CHD1: variants seen among roughly 807,000 people sequenced by gnomAD.
CHD1 encodes chromodomain helicase DNA binding protein 1, also known as ATP-dependent chromatin remodeler CHD1.
A neutral mutation model predicts 224.2 loss-of-function variants in CHD1; 36 were observed. That is an observed-to-expected ratio of 0.16 (90% CI 0.12 to 0.21). CHD1 has a LOEUF of 0.21. Among genes scored for constraint, CHD1 ranks in the 10% least tolerant of loss-of-function variants. The probability of loss-of-function intolerance (pLI) is 1.00; values close to 1 mark genes in which losing one functional copy is unlikely to be tolerated. For missense variants in CHD1, 1,378 were observed against 1,994.8 expected, an observed-to-expected ratio of 0.69 and a Z score of 5.89; for synonymous variants, 668 against 658.3, an observed-to-expected ratio of 1.01 and a Z score of -0.23.
chr5:98,925,494 T>C (rs1242052965), intron 2 of CHD1, among the ~76,000 whole-genome samples: 1 of 152,128 alleles, frequency 6.6e-6, no homozygotes, highest in Non-Finnish European at 1.5e-5. Context: ...TTCACACAAC[T>C]AATAAGAGGT....
chr5:98,880,093 T>G (rs918859318), intron 22 of CHD1, among the ~76,000 whole-genome samples: 3 of 152,246 alleles, frequency 2.0e-5, no homozygotes, highest in Non-Finnish European at 4.4e-5. Flanking sequence ...AACAATCTAA[T>G]ATCATTTTTA....
rs1753706467 is a variant in CHD1, at chr5:98,928,932, C to T, written c.-542G>A. On this transcript the variant is annotated 5_prime_UTR_variant, in exon 1 of 36. Transcript: ENST00000614616. ...TCTCCGTCGTAGCCGCCGCCGCCACCGAGGTCGCCGTCGCCTCCGCCTCCC... is the reference window on the plus strand; with the variant it reads ...TCTCCGTCGTAGCCGCCGCCGCCACTGAGGTCGCCGTCGCCTCCGCCTCCC... 2 of 153,908 alleles carry T rather than the reference C, an allele frequency of 1.3e-5. No homozygotes were observed. The highest frequency in any genetic ancestry group is 3.5e-4 in the South Asian group (2 of 5,750). 9.5% of individuals were successfully genotyped at this position (153,908 alleles called of 1,614,324 possible).
At chr5:98,898,947 A>G (rs752903779) in intron 8 of CHD1, among the ~76,000 whole-genome samples, 183 bp from the exon 9 acceptor site, 3 of 152,174 alleles carry the variant, frequency 2.0e-5, no homozygotes, top group African/African-American at 7.2e-5. Context: ...AAAATTTGTA[A>G]TTTATAATGT....
At chr5:98,873,825 G>A in intron 25 of CHD1, 102 bp from the exon 26 acceptor site, 3 of 1,023,494 alleles carry the variant, frequency 2.9e-6, no homozygotes, top group Admixed American at 2.4e-5. Flanking sequence ...TCACTCTACT[G>A]CATGCTCTAT....
In CHD1 at chr5:98,855,568, TAA is replaced by T. The variant is rs1485639097; in HGVS notation, c.*810_*811del. 1 of 151,758 alleles carries T rather than the reference TAA, an allele frequency of 6.6e-6. No individual in the cohort carries two copies. The highest frequency in any genetic ancestry group is 2.4e-5 in the African/African-American group (1 of 41,336). The allele number at this position is 151,758 out of a possible 1,614,324, so 9.4% of individuals were successfully genotyped here. ...CATGTATCTAATAAAATATTCAGTA[TAA>T]AAAGAGGACTAATGGAATTAAGTGG... is the stretch of plus-strand genomic sequence containing the variant. On this transcript the variant is annotated 3_prime_UTR_variant, in exon 36 of 36. Transcript: ENST00000614616.
At chr5:98,909,408 A>G (rs1752248578) in intron 2 of CHD1, among the ~76,000 whole-genome samples, 1 of 152,096 alleles carries the variant, frequency 6.6e-6, no homozygotes. Flanking sequence ...ATGGCATTTA[A>G]TGTTTTGTTG....
chr5:98,915,763 T>C (rs1433264455), intron 2 of CHD1, among the ~76,000 whole-genome samples: 2 of 152,142 alleles, frequency 1.3e-5, no homozygotes, highest in Non-Finnish European at 1.5e-5. Flanking sequence ...TTAAATTAGA[T>C]TGGGCTATGA....
chr5:98,909,101 A>G (rs904825167), intron 2 of CHD1, among the ~76,000 whole-genome samples: 13 of 152,102 alleles, frequency 8.5e-5, no homozygotes, highest in South Asian at 2.1e-4. Flanking sequence ...TGCAATACCA[A>G]TATCTCTTAA....
chr5:98,856,866 T>C (rs1748073570), intron 35 of CHD1, 141 bp from the exon 36 acceptor site: 2 of 619,226 alleles, frequency 3.2e-6, no homozygotes, highest in Non-Finnish European at 2.7e-6. Flanking sequence ...TAAAACTTAC[T>C]TAATTAACTC....
chr5:98,896,560 A>G, intron 11 of CHD1, 118 bp from the exon 12 acceptor site: 1 of 645,058 alleles, frequency 1.6e-6, no homozygotes, highest in Non-Finnish European at 2.7e-6. Context: ...TATTATATAG[A>G]ATATACCACT....
intron 30 of CHD1, 164 bp from the exon 31 acceptor site, chr5:98,868,799 T>C: frequency 1.3e-6 from 1 of 757,718 alleles, no homozygotes; most frequent in Non-Finnish European, 2.0e-6. Context: ...CCAATTTTAT[T>C]TGGGGAAACA....
In CHD1 at chr5:98,854,813, T is replaced by C. The variant is rs1747901815; in HGVS notation, c.*1567A>G. ...ACACATAGCAATACTATAGAAATTATGTCCACATACTTATATTCGTCAAAG... is the reference window on the plus strand; with the variant it reads ...ACACATAGCAATACTATAGAAATTACGTCCACATACTTATATTCGTCAAAG... On this transcript the variant is annotated 3_prime_UTR_variant, in exon 36 of 36. Coordinates refer to ENST00000614616, the MANE Select transcript of CHD1 (RefSeq NM_001270.4). 3 of 152,320 alleles carry C rather than the reference T, an allele frequency of 2.0e-5. No homozygotes were observed. The South Asian group carries it at 6.2e-4, about 32-fold the overall frequency. The allele number at this position is 152,320 out of a possible 1,614,324, so 9.4% of individuals were successfully genotyped here.
Position 98,926,544 on chromosome 5 carries a change from ATATAT to A in CHD1, c.-148-15_-148-11del. 2.4e-6 allele frequency: 1 copy of A among 414,348 alleles called. No homozygotes were observed. The highest frequency in any genetic ancestry group is 4.2e-6 in the Non-Finnish European group (1 of 238,320). The allele number at this position is 414,348 out of a possible 1,614,324, so 25.7% of individuals were successfully genotyped here. A position where few individuals can be genotyped will look rare whatever the true frequency, so the allele number is the denominator to read the frequency against. ...CTCTCCTTTGATTCACCTAAAGAAA[ATATAT>A]TAATAAATTAACAAAATTTCCTGCA... On this transcript the variant is annotated splice_polypyrimidine_tract_variant and intron_variant, in intron 1 of 35. Transcript: ENST00000614616.
intron 12 of CHD1, 139 bp from the exon 13 acceptor site, chr5:98,894,825 G>GT: frequency 4.7e-6 from 2 of 429,230 alleles, no homozygotes; most frequent in South Asian, 2.8e-5. Context: ...GAGTTTTTGT[G>GT]GTTTTTTTTT....
chr5:98,872,755 G>A (rs1167591570), intron 26 of CHD1, among the ~76,000 whole-genome samples, 200 bp from the exon 27 acceptor site: 2 of 152,064 alleles, frequency 1.3e-5, no homozygotes, highest in Non-Finnish European at 2.9e-5. Flanking sequence ...TTCACGAAAA[G>A]TATTTCTCTA....
chr5:98,891,827 A>G (rs1442571299), intron 15 of CHD1, among the ~76,000 whole-genome samples: 1 of 152,116 alleles, frequency 6.6e-6, no homozygotes, highest in Admixed American at 6.5e-5. Flanking sequence ...CAAACAAACA[A>G]AAAAAAGAAA....
intron 13 of CHD1, among the ~76,000 whole-genome samples, 194 bp downstream of exon 13, chr5:98,894,403 T>C: frequency 6.6e-6 from 1 of 152,206 alleles, no homozygotes; most frequent in East Asian, 1.9e-4. Context: ...TACATATTCT[T>C]TCTAAGACCC....
intron 4 of CHD1, among the ~76,000 whole-genome samples, chr5:98,903,233 T>G (rs1751838208): frequency 6.6e-6 from 1 of 152,204 alleles, no homozygotes; most frequent in Non-Finnish European, 1.5e-5. Flanking sequence ...CCATTATTGT[T>G]GCCTAGTATA....
chr5:98,869,654 A>C (rs1749182163), intron 30 of CHD1, 100 bp downstream of exon 30: 1 of 1,296,868 alleles, frequency 7.7e-7, no homozygotes, highest in Non-Finnish European at 1.1e-6. Context: ...ACACACACAG[A>C]CTTCGGTACC....
Sources: allele counts gnomAD v4.1 joint callset (sites outside exome capture counted in the v4.1 genomes callset), GRCh38; gene constraint gnomAD v4.1.1; transcripts MANE v1.5; gene names NCBI Gene and HGNC (gene_info 2026-07-23, HGNC 2026-07-21).